Variants in SGSM3 observed in about 807,000 individuals in gnomAD.
SGSM3 encodes small G protein signaling modulator 3.
SGSM3 carries 96 observed loss-of-function variants against 100.5 expected under a neutral mutation model. That is an observed-to-expected ratio of 0.96 (90% CI 0.81 to 1.13). The LOEUF (loss-of-function observed/expected upper bound fraction) is 1.13. Ranked by LOEUF, SGSM3 falls within the 50% of genes most tolerant of loss-of-function variation. SGSM3 has a pLI of 0.00. For synonymous variants in SGSM3, 483 were observed against 422.8 expected (o/e 1.14, Z -1.75); for missense variants, 1,001 against 1,015.8 (o/e 0.99, Z 0.20).
At chr22:40,387,500 T>C (rs1466598579) in intron 1 of SGSM3, 1 of 296,246 alleles carries the variant, frequency 3.4e-6, no homozygotes, top group African/African-American at 2.2e-5. Context: ...CCTAATCTCC[T>C]ATGTTAATAT....
chr22:40,394,095 C>T (rs1470235840), intron 1 of SGSM3, among the ~76,000 whole-genome samples: 1 of 152,208 alleles, frequency 6.6e-6, no homozygotes, highest in Non-Finnish European at 1.5e-5. Context: ...CCTAGGCTCC[C>T]TGCTCTGCAT....
chr22:40,375,299 GC>G (rs1461260432), intron 1 of SGSM3, among the ~76,000 whole-genome samples: 1 of 152,152 alleles, frequency 6.6e-6, no homozygotes, highest in African/African-American at 2.4e-5. Flanking sequence ...AGATTGATAG[GC>G]CGGTTGTGGT....
chr22:40,385,998 C>T (rs1033373243), intron 1 of SGSM3, among the ~76,000 whole-genome samples: 59 of 152,030 alleles, frequency 3.9e-4, no homozygotes, highest in Middle Eastern at 3.4e-3. Flanking sequence ...ACTACAGGCG[C>T]ACGCCACCAT....
chr22:40,384,310 T>A (rs906455459), intron 1 of SGSM3, among the ~76,000 whole-genome samples: 5 of 151,940 alleles, frequency 3.3e-5, no homozygotes, highest in African/African-American at 1.2e-4. Flanking sequence ...TCTGAATGTC[T>A]TGGGAGAAGA....
rs1410124959 is a variant in SGSM3, at chr22:40,405,634, C to T, written c.619-15C>T. On this transcript the variant is annotated splice_polypyrimidine_tract_variant and intron_variant, in intron 7 of 21. Transcript: ENST00000248929. ...AGACCTGGGTAGAAGGCCCTTGTCC[C>T]TGTGCCCTGGCCAGGTGGCCGCCTG... 1.2e-6 allele frequency: 2 copies of T among 1,608,922 alleles called. No homozygotes were observed. The highest frequency in any genetic ancestry group is 2.7e-5 in the African/African-American group (2 of 75,002).
rs1555954090 is a variant in SGSM3, at chr22:40,410,071, CTT to C, written c.*314_*315del. 3.2e-6 allele frequency: 4 copies of C among 1,250,928 alleles called. No homozygotes were observed. The highest frequency in any genetic ancestry group is 7.0e-5 in the East Asian group (2 of 28,740). 77.5% of individuals were successfully genotyped at this position (1,250,928 alleles called of 1,614,324 possible). A position where few individuals can be genotyped will look rare whatever the true frequency, so the allele number is the denominator to read the frequency against. ...GGGGTGGCTAGTAGGCTCCTGGCCT[CTT>C]TGGTTTATAAATAAACTGTGTCTGT... On this transcript the variant is annotated 3_prime_UTR_variant, in exon 22 of 22. Coordinates refer to ENST00000248929, the MANE Select transcript of SGSM3 (RefSeq NM_015705.6).
At chr22:40,381,013 A>G (rs868396188) in intron 1 of SGSM3, among the ~76,000 whole-genome samples, 2 of 152,314 alleles carry the variant, frequency 1.3e-5, no homozygotes, top group Middle Eastern at 6.8e-3. Context: ...ATTGATTCAC[A>G]TAATATAAGC....
At chr22:40,406,956 G>C (rs371664340) in intron 10 of SGSM3, 61 bp from the exon 11 acceptor site, 2 of 1,495,124 alleles carry the variant, frequency 1.3e-6, no homozygotes, top group East Asian at 2.5e-5. Context: ...ATAAGCCAAG[G>C]GCTGGTGGGT....
intron 16 of SGSM3, 85 bp from the exon 17 acceptor site, chr22:40,408,542 G>T: frequency 1.9e-6 from 3 of 1,586,322 alleles, no homozygotes; most frequent in East Asian, 4.5e-5. Flanking sequence ...AGCTGGCAGC[G>T]TGGTGACAGG....
At position 40,409,675 on chromosome 22, in the gene SGSM3, T is replaced by G. The variant is rs1193208646; in HGVS notation, c.2173-7T>G. 1 of 1,613,202 alleles carries G rather than the reference T, an allele frequency of 6.2e-7. No individual in the cohort carries two copies. Among genetic ancestry groups the G allele is most frequent in the South Asian group, 1.1e-5 (1 of 91,034 alleles). ...GCCTGTGAGGTGAGGGGCTGCCCTG[T>G]TTGCAGGCGCAGCAGCCCCTGAAGG... On this transcript the variant is annotated splice_region_variant and splice_polypyrimidine_tract_variant and intron_variant, in intron 21 of 21. Coordinates refer to ENST00000248929, the MANE Select transcript of SGSM3 (RefSeq NM_015705.6).
rs201524566 is a variant in SGSM3, at chr22:40,401,955, T to G, written c.91-184T>G. Reference sequence around the variant, plus strand: ...ACAAGGAAAATAGAAGGTTGAGAAATTGCTAGAAGAAGGTTCAGAGAAGGT... The same window carrying G: ...ACAAGGAAAATAGAAGGTTGAGAAAGTGCTAGAAGAAGGTTCAGAGAAGGT... On this transcript the variant is annotated intron_variant, in intron 3 of 21. Coordinates refer to ENST00000248929, the MANE Select transcript of SGSM3 (RefSeq NM_015705.6). Among the ~76,000 whole-genome samples, 5 of 152,174 alleles carry G rather than the reference T, an allele frequency of 3.3e-5. No homozygotes were observed. The East Asian group carries it at 9.6e-4, about 29-fold the overall frequency.
At chr22:40,384,438 G>A (rs1038405393) in intron 1 of SGSM3, among the ~76,000 whole-genome samples, 1 of 151,988 alleles carries the variant, frequency 6.6e-6, no homozygotes, top group Non-Finnish European at 1.5e-5. Context: ...ATAACATAGG[G>A]AGACCCCCAT....
intron 1 of SGSM3, among the ~76,000 whole-genome samples, chr22:40,400,339 G>C (rs1450451691): frequency 2.0e-5 from 3 of 152,118 alleles, no homozygotes; most frequent in Non-Finnish European, 4.4e-5. Context: ...TCTGTGGTTA[G>C]AAGTAAAAGG....
chr22:40,390,825 T>C (rs1351732576), intron 1 of SGSM3, among the ~76,000 whole-genome samples: 1 of 152,040 alleles, frequency 6.6e-6, no homozygotes, highest in African/African-American at 2.4e-5. Flanking sequence ...AGGAGGGCAT[T>C]ATGAGCAGGG....
At chr22:40,371,467 G>A (rs2045465230) in intron 1 of SGSM3, among the ~76,000 whole-genome samples, 2 of 152,036 alleles carry the variant, frequency 1.3e-5, no homozygotes, top group African/African-American at 4.8e-5. Context: ...TTCTTTCTTA[G>A]TAAATTCAAG....
At chr22:40,379,427 C>A (rs866601706) in intron 1 of SGSM3, 1 of 152,288 alleles carries the variant, frequency 6.6e-6, no homozygotes, top group African/African-American at 2.4e-5. Flanking sequence ...CATTTCAAGA[C>A]TAGAAGTCTG....
intron 1 of SGSM3, among the ~76,000 whole-genome samples, chr22:40,384,562 C>T (rs548444805): frequency 3.3e-5 from 5 of 152,286 alleles, no homozygotes; most frequent in African/African-American, 9.6e-5. Context: ...GGGCGGATCA[C>T]GAGGTCAGGA....
Position 40,405,201 on chromosome 22 carries a change from A to G in SGSM3, c.535A>G (p.Ile179Val), listed in dbSNP as rs757913891. 4 of 1,587,682 alleles carry G rather than the reference A, an allele frequency of 2.5e-6. No homozygotes were observed. Among genetic ancestry groups the G allele is most frequent in the Non-Finnish European group, 8.6e-7 (1 of 1,166,048 alleles). Residue 179 changes from isoleucine to valine, a missense_variant, in exon 7 of 22, where the codon ATC (isoleucine) becomes GTC (valine). Transcript: ENST00000248929. ...CGCCTGCTTCGCCAGCATGGGTAGC[A>G]TCGGGGTGCCCCGCCTGCGCAGGGT... ...SNACFASMGS[I>V]GVPRLRRVLR...
At chr22:40,379,091 C>T (rs2047126949) in intron 1 of SGSM3, among the ~76,000 whole-genome samples, 1 of 152,194 alleles carries the variant, frequency 6.6e-6, no homozygotes, top group African/African-American at 2.4e-5. Context: ...CTCTGTAGCA[C>T]TATTCATCTG....
Sources: gnomAD v4.1 joint callset for allele counts (sites outside exome capture counted in the v4.1 genomes callset) on GRCh38, gnomAD v4.1.1 for gene constraint, MANE v1.5 for transcripts, NCBI Gene and HGNC (gene_info 2026-07-23, HGNC 2026-07-21) for gene names.